Variants in ZNF846 observed in about 807,000 individuals in gnomAD.
The protein encoded by ZNF846 is zinc finger protein 846.
A neutral mutation model predicts 16.0 loss-of-function variants in ZNF846; 15 were observed. The observed-to-expected ratio is 0.94, with a 90% CI of 0.63 to 1.45. The LOEUF (loss-of-function observed/expected upper bound fraction) is 1.45, where lower values mean the gene tolerates loss of function less well. Ranked by LOEUF, ZNF846 falls within the 40% of genes most tolerant of loss-of-function variation. The probability of loss-of-function intolerance (pLI) is 0.00; values close to 1 mark genes in which losing one functional copy is unlikely to be tolerated. For missense variants in ZNF846, 714 were observed against 622.3 expected (o/e 1.15, Z -1.57); for synonymous variants, 229 against 212.0 (o/e 1.08, Z -0.70).
exon 1 of ZNF846, chr19:9,768,322 G>A (rs1001677376): frequency 5.3e-5 from 8 of 152,272 alleles, no homozygotes. Context: ...TCGGTGACAA[G>A]AGGACGCTGG....
chr19:9,783,230 T>TC (rs2045520625), intron 1 of ZNF846, among the ~76,000 whole-genome samples: 2 of 129,828 alleles, frequency 1.5e-5, no homozygotes, highest in South Asian at 5.5e-4. Flanking sequence ...TTTTTTTTTT[T>TC]TTTTTTTTTT....
chr19:9,749,658 C>G (rs1333780654), downstream of ZNF846, among the ~76,000 whole-genome samples: 1 of 151,086 alleles, frequency 6.6e-6, no homozygotes, highest in African/African-American at 2.4e-5. Context: ...ACCTCACCCA[C>G]TCTCTCCTCA....
chr19:9,753,522 G>A (rs2045105307), downstream of ZNF846, among the ~76,000 whole-genome samples: 1 of 150,830 alleles, frequency 6.6e-6, no homozygotes, highest in Non-Finnish European at 1.5e-5. Flanking sequence ...CCAAAGTGCT[G>A]GGATTACAGG....
intron 1 of ZNF846, chr19:9,774,645 C>A: frequency 6.9e-7 from 1 of 1,444,746 alleles, no homozygotes; most frequent in Non-Finnish European, 9.7e-7. Context: ...GATTAGGTGA[C>A]CTTCAGAATC....
At chr19:9,750,181 C>T (rs190201745), downstream of ZNF846, among the ~76,000 whole-genome samples, 32 of 152,270 alleles carry the variant, frequency 2.1e-4, no homozygotes, top group Non-Finnish European at 4.0e-4. Flanking sequence ...AAAACATTGG[C>T]AGTCACTAAT....
intron 1 of ZNF846, among the ~76,000 whole-genome samples, chr19:9,766,410 C>G (rs1024106970): frequency 1.2e-5 from 1 of 85,940 alleles, no homozygotes; most frequent in Non-Finnish European, 2.1e-5. Flanking sequence ...AAGACTCTGT[C>G]ACAAAAAAAA....
Position 9,780,059 on chromosome 19 carries a change from TG to T in ZNF846, c.-86+5878del, listed in dbSNP as rs1421592338. The stretch of plus-strand genomic sequence containing the variant: ...GCCCAGCTAATTTTGTTTTTTTTTT[TG>T]TTTTTTTTTTTGTAGAGATGAGGTC... On this transcript the variant is annotated intron_variant, in intron 1 of 4. Transcript: ENST00000586814. Among the ~76,000 whole-genome samples the T allele has an allele frequency of 2.2e-4, 33 of 148,106 alleles. 1 individual carries two copies. Among genetic ancestry groups the T allele is most frequent in the African/African-American group, 7.7e-4 (30 of 39,212 alleles).
At chr19:9,754,563 TTA>T (rs1491549195), downstream of ZNF846, among the ~76,000 whole-genome samples, 11 of 83,790 alleles carry the variant, frequency 1.3e-4, no homozygotes, top group African/African-American at 5.7e-4. Flanking sequence ...AGACTCTGTC[TTA>T]AAAAAAAAAA....
downstream of ZNF846, among the ~76,000 whole-genome samples, chr19:9,757,180 G>C (rs1032546225): frequency 6.6e-6 from 1 of 150,544 alleles, no homozygotes; most frequent in Non-Finnish European, 1.5e-5. Flanking sequence ...GGGTGAGAGA[G>C]AGAGACTCTG....
downstream of ZNF846, among the ~76,000 whole-genome samples, chr19:9,750,867 A>C (rs1157635198): frequency 2.0e-5 from 3 of 152,216 alleles, no homozygotes; most frequent in Non-Finnish European, 4.4e-5. Flanking sequence ...TGTCCTCCAG[A>C]ACTGCCAAGG....
chr19:9,782,243 T>G (rs563026765), intron 1 of ZNF846, among the ~76,000 whole-genome samples: 1 of 152,272 alleles, frequency 6.6e-6, no homozygotes, highest in Non-Finnish European at 1.5e-5. Flanking sequence ...GAAAAAAATG[T>G]GTCGTGTTAG....
chr19:9,751,778 A>G (rs575892501), downstream of ZNF846, among the ~76,000 whole-genome samples: 108 of 152,254 alleles, frequency 7.1e-4, no homozygotes, highest in African/African-American at 2.4e-3. Context: ...TGTACTTCAT[A>G]ACATCCATCC....
exon 6 of ZNF846, chr19:9,757,941 G>A: frequency 6.2e-7 from 1 of 1,613,614 alleles, no homozygotes. Flanking sequence ...AACAAGTCCT[G>A]AGGAACGAGT....
At chr19:9,750,379 T>C (rs998700297), downstream of ZNF846, among the ~76,000 whole-genome samples, 1 of 152,168 alleles carries the variant, frequency 6.6e-6, no homozygotes. Context: ...CTCTACGCAG[T>C]TGCACCATCA....
exon 6 of ZNF846, chr19:9,758,035 T>C: frequency 6.2e-7 from 1 of 1,613,440 alleles, no homozygotes; most frequent in African/African-American, 1.3e-5. Context: ...GAGGAATGAA[T>C]AAAAGCTTTT....
chr19:9,763,873 G>C (rs58516050), intron 2 of ZNF846, among the ~76,000 whole-genome samples: 1 of 152,196 alleles, frequency 6.6e-6, no homozygotes, highest in African/African-American at 2.4e-5. Context: ...CATTTCTGTA[G>C]GGAGACCCAC....
chr19:9,755,799 CAAAAAAAAAAAAAAA>C (rs538572391), downstream of ZNF846, among the ~76,000 whole-genome samples: 2,198 of 24,404 alleles, frequency 0.09, 26 homozygotes, highest in Middle Eastern at 0.22. Flanking sequence ...GACTCCGTCT[CAAAAAAAAAAAAAAA>C]AAAAAAAAAA....
intron 1 of ZNF846, among the ~76,000 whole-genome samples, chr19:9,781,221 G>A (rs771398127): frequency 6.6e-6 from 1 of 152,122 alleles, no homozygotes; most frequent in Non-Finnish European, 1.5e-5. Flanking sequence ...TGCCTCCCAG[G>A]TCCAAGCGAA....
chr19:9,766,727 C>T (rs554577373), intron 1 of ZNF846, among the ~76,000 whole-genome samples: 14 of 151,246 alleles, frequency 9.3e-5, no homozygotes, highest in Admixed American at 4.0e-4. Flanking sequence ...TGGTGAAACC[C>T]CATCTCTACT....
Sources: gnomAD v4.1 joint callset for allele counts (sites outside exome capture counted in the v4.1 genomes callset) on GRCh38, gnomAD v4.1.1 for gene constraint, MANE v1.5 for transcripts, NCBI Gene and HGNC (gene_info 2026-07-23, HGNC 2026-07-21) for gene names.